The following PTPDC1 variants were observed in gnomAD, a reference collection of about 807,000 sequenced individuals.
The protein encoded by PTPDC1 is protein tyrosine phosphatase domain containing 1.
PTPDC1 carries 53 observed loss-of-function variants against 75.3 expected under a neutral mutation model. The ratio of observed to expected loss-of-function variants is 0.70; its 90% CI spans 0.56 to 0.88. PTPDC1 has a LOEUF of 0.88. PTPDC1 is among the 40% of genes least tolerant of loss of function. The pLI, the probability that PTPDC1 is intolerant of heterozygous loss-of-function variation, is 0.00. For missense variants in PTPDC1, 925 were observed against 998.6 expected, an observed-to-expected ratio of 0.93 and a Z score of 0.99; for synonymous variants, 349 against 366.2, an observed-to-expected ratio of 0.95 and a Z score of 0.54.
intron 5 of PTPDC1, 40 bp from the exon 6 acceptor site, chr9:94,097,281 A>T: frequency 7.8e-7 from 1 of 1,285,702 alleles, no homozygotes; most frequent in Non-Finnish European, 1.1e-6. Context: ...ATAAAAATGT[A>T]AGCTTTTCTC....
intron 1 of PTPDC1, among the ~76,000 whole-genome samples, chr9:94,050,336 T>G (rs1825748895): frequency 6.6e-6 from 1 of 152,182 alleles, no homozygotes; most frequent in Non-Finnish European, 1.5e-5. Flanking sequence ...TTTCCCCATC[T>G]TTGTGGTTTT....
chr9:94,036,768 G>A (rs537523668), intron 1 of PTPDC1, among the ~76,000 whole-genome samples: 26 of 152,340 alleles, frequency 1.7e-4, no homozygotes, highest in African/African-American at 6.0e-4. Flanking sequence ...TATAGGTGGA[G>A]AATGGTTAGA....
intron 1 of PTPDC1, among the ~76,000 whole-genome samples, chr9:94,061,647 G>T (rs1425173761): frequency 6.6e-6 from 1 of 152,256 alleles, no homozygotes; most frequent in African/African-American, 2.4e-5. Context: ...CCACATGGGA[G>T]ACACCAAGGC....
chr9:94,059,793 C>CT (rs752445671), intron 1 of PTPDC1, among the ~76,000 whole-genome samples: 8 of 152,150 alleles, frequency 5.3e-5, no homozygotes, highest in Non-Finnish European at 1.2e-4. Flanking sequence ...TCACTTGAAA[C>CT]TTTCATATAT....
In PTPDC1 at chr9:94,084,511, G is replaced by T; in HGVS notation, c.-20G>T. Reference sequence around the variant, plus strand: ...AGTGGGGCTGACTCTTCCTGCCTCCGGCTCTTGCCTCCCAGTGCCATGCAG... The same window carrying T: ...AGTGGGGCTGACTCTTCCTGCCTCCTGCTCTTGCCTCCCAGTGCCATGCAG... On this transcript the variant is annotated 5_prime_UTR_variant, in exon 1 of 9. Coordinates refer to ENST00000620992, the MANE Select transcript of PTPDC1 (RefSeq NM_001253829.2). 6.2e-7 allele frequency: 1 copy of T among 1,607,200 alleles called. No homozygotes were observed.
chr9:94,081,724 G>C (rs1191224182), upstream of PTPDC1, among the ~76,000 whole-genome samples: 2 of 152,114 alleles, frequency 1.3e-5, no homozygotes, highest in Non-Finnish European at 1.5e-5. Context: ...GAGATGGCAG[G>C]TGTAGTCACC....
In PTPDC1 at chr9:94,095,339, G is replaced by T. The variant is rs61743388; in HGVS notation, c.639G>T (p.Trp213Cys). Reference sequence around the variant, plus strand: ...TAGTTTACTTCTACAATTTCGGATGGAAGGATTATGGTGTAGCGTCTCTTA... The same window carrying T: ...TAGTTTACTTCTACAATTTCGGATGTAAGGATTATGGTGTAGCGTCTCTTA... ...EAGIYFYNFG[W>C]KDYGVASLTT... Residue 213 changes from tryptophan to cysteine, a missense_variant, in exon 5 of 9, where the codon TGG becomes TGT. Coordinates refer to ENST00000620992, the MANE Select transcript of PTPDC1 (RefSeq NM_001253829.2). 332 of 1,604,944 alleles carry T rather than the reference G, an allele frequency of 2.1e-4. 4 individuals carry two copies. In the Admixed American group the frequency reaches 3.8e-3, roughly 18 times the overall value.
intron 2 of PTPDC1, among the ~76,000 whole-genome samples, chr9:94,076,426 G>A (rs75443043): frequency 0.03 from 4,559 of 152,220 alleles, 212 homozygotes; most frequent in African/African-American, 0.1. Flanking sequence ...TCATATAAAT[G>A]GAACCATATA....
intron 1 of PTPDC1, 141 bp downstream of exon 1, chr9:94,084,915 G>T (rs1827017491): frequency 1.6e-6 from 1 of 626,138 alleles, no homozygotes. Context: ...CTATTTTAGT[G>T]AATATATAAG....
At position 94,095,227 on chromosome 9, in the gene PTPDC1, C is replaced by A. The variant is rs188563695; in HGVS notation, c.617-90C>A. 67 of 952,844 alleles carry A rather than the reference C, an allele frequency of 7.0e-5. 1 individual carries two copies. Among genetic ancestry groups the A allele is most frequent in the Admixed American group, 5.0e-4 (23 of 45,588 alleles). 59.0% of individuals were successfully genotyped at this position (952,844 alleles called of 1,614,324 possible). A position where few individuals can be genotyped will look rare whatever the true frequency, so the allele number is the denominator to read the frequency against. On this transcript the variant is annotated intron_variant, in intron 4 of 8. Coordinates refer to ENST00000620992, the MANE Select transcript of PTPDC1 (RefSeq NM_001253829.2). ...TGCACTGAGATCTACATGCCTCAGT[C>A]TCAGTGTAGATCTGTGTACTTTTCA...
intron 6 of PTPDC1, among the ~76,000 whole-genome samples, chr9:94,099,015 G>A (rs1046325962): frequency 1.3e-5 from 2 of 152,212 alleles, no homozygotes; most frequent in African/African-American, 2.4e-5. Flanking sequence ...CTGGTGCTGA[G>A]CAAGGTCAGA....
At chr9:94,072,202 C>T (rs1005869517) in intron 2 of PTPDC1, among the ~76,000 whole-genome samples, 15 of 152,094 alleles carry the variant, frequency 9.9e-5, no homozygotes, top group South Asian at 4.1e-4. Flanking sequence ...GAGACGGTTT[C>T]GCCATGTTGC....
chr9:94,080,828 A>G (rs1017400997), upstream of PTPDC1, among the ~76,000 whole-genome samples: 1 of 152,212 alleles, frequency 6.6e-6, no homozygotes, highest in Non-Finnish European at 1.5e-5. Context: ...TCTGAGGAAT[A>G]GAGGGCAAGT....
upstream of PTPDC1, among the ~76,000 whole-genome samples, chr9:94,079,594 CTA>C (rs565967167): frequency 2.4e-3 from 371 of 152,340 alleles, 2 homozygotes; most frequent in African/African-American, 8.5e-3. Flanking sequence ...TCTCATGAAG[CTA>C]TGAGGTTACT....
intron 1 of PTPDC1, among the ~76,000 whole-genome samples, chr9:94,055,675 G>A (rs1412122333): frequency 2.0e-5 from 3 of 152,082 alleles, no homozygotes; most frequent in Non-Finnish European, 4.4e-5. Flanking sequence ...AAAGATCAGT[G>A]GTTCCAACAT....
chr9:94,051,415 C>T (rs1459683107), intron 1 of PTPDC1, among the ~76,000 whole-genome samples: 1 of 152,128 alleles, frequency 6.6e-6, no homozygotes, highest in African/African-American at 2.4e-5. Flanking sequence ...AAAAATAGTC[C>T]TTATTAGGTT....
chr9:94,046,048 C>T (rs1293274258), intron 1 of PTPDC1, among the ~76,000 whole-genome samples: 2 of 152,174 alleles, frequency 1.3e-5, no homozygotes, highest in Non-Finnish European at 2.9e-5. Flanking sequence ...GATCCAGTTT[C>T]AGCTTTCTAC....
At chr9:94,056,850 A>G (rs1305905620) in intron 1 of PTPDC1, among the ~76,000 whole-genome samples, 2 of 152,172 alleles carry the variant, frequency 1.3e-5, no homozygotes, top group Non-Finnish European at 2.9e-5. Context: ...GTGTGTGGCT[A>G]ATTATAAACA....
chr9:94,097,524 T>C lies in PTPDC1; in HGVS notation c.958T>C (p.Tyr320His). ...PKAHAVTLPQ[Y>H]LIRQRHLLHG... is the part of the protein sequence containing the mutation. Reference sequence around the variant, plus strand: ...AGCACATGCTGTCACCTTACCTCAATATCTAATTCGCCAGCGTCATCTGCT... The same window carrying C: ...AGCACATGCTGTCACCTTACCTCAACATCTAATTCGCCAGCGTCATCTGCT... Residue 320 changes from tyrosine to histidine, a missense_variant, in exon 6 of 9, where the codon TAT (tyrosine) becomes CAT (histidine). By Grantham distance (83) the Tyr-to-His change is moderately conservative. Coordinates refer to ENST00000620992, the MANE Select transcript of PTPDC1 (RefSeq NM_001253829.2). 1.2e-6 allele frequency: 2 copies of C among 1,614,172 alleles called. No homozygotes were observed. Among genetic ancestry groups the C allele is most frequent in the Non-Finnish European group, 1.7e-6 (2 of 1,180,030 alleles).
Sources: gnomAD v4.1 joint callset for allele counts (sites outside exome capture counted in the v4.1 genomes callset) on GRCh38, gnomAD v4.1.1 for gene constraint, MANE v1.5 for transcripts, NCBI Gene and HGNC (gene_info 2026-07-23, HGNC 2026-07-21) for gene names.